The following PHF2 variants were observed in gnomAD, a reference collection of about 807,000 sequenced individuals.
PHF2 encodes the protein PHD finger protein 2.
Under a neutral mutation model 120.5 loss-of-function variants are expected in PHF2, and 27 were observed. The ratio of observed to expected loss-of-function variants is 0.22; its 90% confidence interval spans 0.17 to 0.31. PHF2 has a LOEUF of 0.31. Ranked by LOEUF, PHF2 falls within the 10% of genes least tolerant of loss-of-function variation. The pLI is 1.00. For missense variants in PHF2, 1,024 were observed against 1,434.8 expected (o/e 0.71, Z 4.63); for synonymous variants, 568 against 592.5 (o/e 0.96, Z 0.60).
intron 1 of PHF2, among the ~76,000 whole-genome samples, chr9:93,589,384 T>C (rs1331159747): frequency 6.6e-6 from 1 of 152,134 alleles, no homozygotes; most frequent in Non-Finnish European, 1.5e-5. Context: ...GTGTAGGGGC[T>C]TTCTGTGCGC....
chr9:93,635,720 G>T (rs1238328014), intron 2 of PHF2, among the ~76,000 whole-genome samples: 1 of 152,190 alleles, frequency 6.6e-6, no homozygotes, highest in Non-Finnish European at 1.5e-5. Flanking sequence ...TGTTGCATGG[G>T]CGCATAGTCC....
chr9:93,636,216 A>G lies in PHF2; in HGVS notation c.185-195A>G, dbSNP rs145555428. 1.6e-4 allele frequency among the ~76,000 whole-genome samples: 25 copies of G among 152,002 alleles called. No homozygotes were observed. In the East Asian group the frequency reaches 4.5e-3, roughly 27 times the overall value. On this transcript the variant is annotated intron_variant, in intron 2 of 21. Transcript: ENST00000359246. Reference sequence around the variant, plus strand: ...GAGGTGTGGGATGGGAGAGGACACGAGGTCGAGGTAGGGGGTTGACTCCTC... The same window carrying G: ...GAGGTGTGGGATGGGAGAGGACACGGGGTCGAGGTAGGGGGTTGACTCCTC...
In PHF2 at chr9:93,627,492, A is replaced by ATTTTTTTTTTTTTTT. The variant is rs55647503; in HGVS notation, c.99-2476_99-2462dup. Among the ~76,000 whole-genome samples, 193 of 108,106 alleles carry ATTTTTTTTTTTTTTT rather than the reference A, an allele frequency of 1.8e-3. 21 individuals are homozygous for ATTTTTTTTTTTTTTT. The highest frequency in any genetic ancestry group is 6.7e-3 in the African/African-American group (178 of 26,522). 70.9% of individuals were successfully genotyped at this position (108,106 alleles called of 152,430 possible). A position where few individuals can be genotyped will look rare whatever the true frequency, so the allele number is the denominator to read the frequency against. On this transcript the variant is annotated intron_variant, in intron 1 of 21. Transcript: ENST00000359246. ...CAATTCAGACTCCTTTTATTTCAGG[A>ATTTTTTTTTTTTTTT]TTTTTTTTTTTTTTTTGTCTAATTG...
intron 1 of PHF2, among the ~76,000 whole-genome samples, chr9:93,622,043 T>TGGGTGCAGCTCCTAGCC (rs1825835267): frequency 6.6e-6 from 1 of 152,184 alleles, no homozygotes; most frequent in South Asian, 2.1e-4. Context: ...TGGTCCAAGC[T>TGGGTGCAGCTCCTAGCC]GTGGGTGCAG....
At chr9:93,606,084 C>A (rs1587676288) in intron 1 of PHF2, among the ~76,000 whole-genome samples, 1 of 152,048 alleles carries the variant, frequency 6.6e-6, no homozygotes, top group East Asian at 1.9e-4. Context: ...AGCCAGCGTC[C>A]CACCCCAGCC....
At chr9:93,671,782 AGGTGTAGATGCAGGTGTG>A (rs1310714349) in intron 17 of PHF2, among the ~76,000 whole-genome samples, 2 of 143,640 alleles carry the variant, frequency 1.4e-5, no homozygotes, top group Non-Finnish European at 3.1e-5. Flanking sequence ...ATGTAGGTAC[AGGTGTAGATGCAGGTGTG>A]GGTGTGGATG....
At chr9:93,624,838 ATGG>A (rs754824146) in intron 1 of PHF2, among the ~76,000 whole-genome samples, 13 of 137,632 alleles carry the variant, frequency 9.4e-5, no homozygotes, top group Non-Finnish European at 1.6e-4. Context: ...GATGATGATG[ATGG>A]TGGTGGTGAT....
intron 6 of PHF2, 44 bp from the exon 7 acceptor site, chr9:93,654,369 C>T (rs200983136): frequency 4.7e-5 from 75 of 1,593,124 alleles, no homozygotes; most frequent in Admixed American, 1.3e-4. Context: ...CCCCGACCCC[C>T]GCATCCCAGT....
chr9:93,657,356 A>C (rs1166683774), intron 9 of PHF2, among the ~76,000 whole-genome samples: 1 of 152,142 alleles, frequency 6.6e-6, no homozygotes, highest in Non-Finnish European at 1.5e-5. Context: ...GGTTGCGGTA[A>C]GATTTTCCCA....
chr9:93,676,959 C>T lies in PHF2; in HGVS notation c.3198C>T (p.Ala1066=). The part of the protein sequence containing the change: ...SASSPNNNTA[A]KGKRTKKGMA... ...CGTCTCCAAACAACAACACCGCTGC[C>T]AAAGGTACTGTGCCTGCTGGAGGGA... is the stretch of plus-strand genomic sequence containing the variant. The change falls in exon 21 of 22, where the codon GCC becomes GCT. Residue 1066 remains alanine (A), a synonymous_variant. Coordinates refer to ENST00000359246, the MANE Select transcript of PHF2 (RefSeq NM_005392.4). 1 of 1,548,140 alleles carries T rather than the reference C, an allele frequency of 6.5e-7. No homozygotes were observed. The highest frequency in any genetic ancestry group is 8.7e-7 in the Non-Finnish European group (1 of 1,143,064).
chr9:93,589,309 T>C (rs1564372493), intron 1 of PHF2, among the ~76,000 whole-genome samples: 2 of 151,530 alleles, frequency 1.3e-5, no homozygotes, highest in Non-Finnish European at 2.9e-5. Context: ...GTAGGGAAAC[T>C]GTGTGTGTGG....
chr9:93,601,074 A>G (rs1173814574), intron 1 of PHF2, among the ~76,000 whole-genome samples: 1 of 152,186 alleles, frequency 6.6e-6, no homozygotes, highest in Non-Finnish European at 1.5e-5. Context: ...TGTAGTTTTT[A>G]TTAATTAGCA....
chr9:93,584,424 G>A (rs1293737071), intron 1 of PHF2, among the ~76,000 whole-genome samples: 1 of 152,176 alleles, frequency 6.6e-6, no homozygotes, highest in African/African-American at 2.4e-5. Context: ...TTTTTGTAAT[G>A]ATGGAAGGTA....
At chr9:93,584,653 T>G (rs1403483483) in intron 1 of PHF2, among the ~76,000 whole-genome samples, 1 of 152,234 alleles carries the variant, frequency 6.6e-6, no homozygotes. Context: ...AAAGTTGTAG[T>G]AAGTTTGAAA....
rs200889072 is a variant in PHF2 at position 93,602,584 on chromosome 9, AT to A, written c.98+25720del. ...AGGTTCTTGTTTATTGACTTTGATC[AT>A]TTTTTTCTAGCGTGTGTGAATGTGC... On this transcript the variant is annotated intron_variant, in intron 1 of 21. Coordinates refer to ENST00000359246, the MANE Select transcript of PHF2 (RefSeq NM_005392.4). Among the ~76,000 whole-genome samples the A allele has an allele frequency of 2.3e-3, 343 of 150,902 alleles. 2 individuals are homozygous for A. The highest frequency in any genetic ancestry group is 8.0e-3 in the African/African-American group (328 of 41,106).
At chr9:93,627,439 A>C (rs1250608724) in intron 1 of PHF2, among the ~76,000 whole-genome samples, 1 of 148,224 alleles carries the variant, frequency 6.7e-6, no homozygotes, top group Non-Finnish European at 1.5e-5. Flanking sequence ...GTCATATGCA[A>C]ATAAAGGTAA....
rs531631070 is a variant in PHF2, at chr9:93,659,386, G to A, written c.1240-125G>A. 249 of 721,226 alleles carry A rather than the reference G, an allele frequency of 3.5e-4. 1 individual carries two copies. The highest frequency in any genetic ancestry group is 6.5e-4 in the Admixed American group (28 of 42,866). The allele number at this position is 721,226 out of a possible 1,614,324, so 44.7% of individuals were successfully genotyped here. ...CTCTTGCCAGGGCAGAGTTTGGCTCGGAAGCCCCTCGCCTCATGCTCATCT... is the reference window on the plus strand; with the variant it reads ...CTCTTGCCAGGGCAGAGTTTGGCTCAGAAGCCCCTCGCCTCATGCTCATCT... On this transcript the variant is annotated intron_variant, in intron 10 of 21. Transcript: ENST00000359246.
chr9:93,656,623 A>G lies in PHF2; in HGVS notation c.1147+28A>G. ...ACTGGTCACTCCGGGGTGGGCGTCC[A>G]AGCCTGGGGCTCTTGGCTGTGGGGG... On this transcript the variant is annotated intron_variant, in intron 9 of 21. Coordinates refer to ENST00000359246, the MANE Select transcript of PHF2 (RefSeq NM_005392.4). This position sits in a 1 kb window ranked among gnomAD's most constrained non-coding sequence, Gnocchi z 4.1. 6.6e-7 allele frequency: 1 copy of G among 1,516,346 alleles called. No homozygotes were observed. Among genetic ancestry groups the G allele is most frequent in the Non-Finnish European group, 9.1e-7 (1 of 1,093,014 alleles). 93.9% of individuals were successfully genotyped at this position (1,516,346 alleles called of 1,614,324 possible).
At chr9:93,641,384 G>A (rs1378377113) in intron 3 of PHF2, among the ~76,000 whole-genome samples, 1 of 152,212 alleles carries the variant, frequency 6.6e-6, no homozygotes, top group Admixed American at 6.5e-5. Context: ...TGTTCCTACA[G>A]GTCACTGCCT....
Sources: gnomAD v4.1 joint callset for allele counts (sites outside exome capture counted in the v4.1 genomes callset) on GRCh38, gnomAD v4.1.1 for gene constraint, Gnocchi (gnomAD v3.1) non-coding constraint, MANE v1.5 for transcripts, NCBI Gene and HGNC (gene_info 2026-07-23, HGNC 2026-07-21) for gene names.